The following ATP6V1B1 variants were observed in gnomAD, a reference collection of about 807,000 sequenced individuals.
ATP6V1B1 encodes V-type proton ATPase subunit B, kidney isoform.
Under a neutral mutation model 62.1 loss-of-function variants are expected in ATP6V1B1, and 41 were observed. That is an observed-to-expected ratio of 0.66 (90% CI 0.51 to 0.86). The LOEUF is 0.86. ATP6V1B1 is among the 40% of genes least tolerant of loss of function. ATP6V1B1 has a pLI of 0.00. For synonymous variants in ATP6V1B1, 253 were observed against 273.4 expected (o/e 0.93, Z 0.74); for missense variants, 651 against 697.5 (o/e 0.93, Z 0.75).
At chr2:70,949,975 G>C (rs1680282091) in intron 2 of ATP6V1B1, among the ~76,000 whole-genome samples, 1 of 151,990 alleles carries the variant, frequency 6.6e-6, no homozygotes, top group Non-Finnish European at 1.5e-5. Context: ...AGCTCTTCCA[G>C]TATTTTTTAA....
At position 70,963,040 on chromosome 2, in the gene ATP6V1B1, G is replaced by C; in HGVS notation, c.910-122G>C. ...CCATGAGTTCCAGGGCTTGGTCTCA[G>C]CCTGGCCATTCCTCCCCTGCCCCCC... On this transcript the variant is annotated intron_variant, in intron 9 of 13. Transcript: ENST00000234396. The surrounding 1 kb of genome is among the most constrained non-coding windows in gnomAD (Gnocchi z 4.3). The C allele has an allele frequency of 6.3e-7, 1 of 1,597,824 alleles. No individual in the cohort carries two copies. Among genetic ancestry groups the C allele is most frequent in the Non-Finnish European group, 8.5e-7 (1 of 1,171,044 alleles).
intron 4 of ATP6V1B1, 94 bp from the exon 5 acceptor site, chr2:70,958,924 G>A: frequency 8.0e-7 from 1 of 1,255,838 alleles, no homozygotes; most frequent in South Asian, 1.3e-5. Context: ...CCTGTGGGGA[G>A]TGGGTGGGAG....
chr2:70,959,875 G>C lies in ATP6V1B1; in HGVS notation c.446-64G>C. The C allele has an allele frequency of 1.2e-6, 2 of 1,613,352 alleles. No individual in the cohort carries two copies. The highest frequency in any genetic ancestry group is 1.7e-6 in the Non-Finnish European group (2 of 1,179,702). On this transcript the variant is annotated intron_variant, in intron 5 of 13. Coordinates refer to ENST00000234396, the MANE Select transcript of ATP6V1B1 (RefSeq NM_001692.4). This position sits in a 1 kb window ranked among gnomAD's most constrained non-coding sequence, Gnocchi z 4.2. ...AGGGCGGCTCTGGAGTCTGGGGTCA[G>C]TGTCGAGGAGAGCAGGGAAGGGTTT...
intron 2 of ATP6V1B1, among the ~76,000 whole-genome samples, chr2:70,949,072 C>A (rs62145078): frequency 0.069 from 10,437 of 152,196 alleles, 589 homozygotes; most frequent in Non-Finnish European, 0.1. Flanking sequence ...CTCCTTGTAA[C>A]TTAGTGAAAA....
rs1680699929 is a variant in ATP6V1B1 at position 70,965,304 on chromosome 2, T to C, written c.*183T>C. ...GCTCGATTCCTTTTCCCGCGCTCCA[T>C]GCCTCCCCCTCGACTCCCGGTGCTG... On this transcript the variant is annotated 3_prime_UTR_variant, in exon 14 of 14. Transcript: ENST00000234396. 1 of 831,384 alleles carries C rather than the reference T, an allele frequency of 1.2e-6. No homozygotes were observed. 51.5% of individuals were successfully genotyped at this position (831,384 alleles called of 1,614,324 possible).
chr2:70,953,889 G>C (rs572106925), intron 2 of ATP6V1B1, among the ~76,000 whole-genome samples: 2 of 152,116 alleles, frequency 1.3e-5, no homozygotes, highest in Admixed American at 6.5e-5. Flanking sequence ...GTTCTGGTTT[G>C]AGTTATATTT....
At chr2:70,951,957 T>A (rs782558846) in intron 2 of ATP6V1B1, among the ~76,000 whole-genome samples, 1 of 152,204 alleles carries the variant, frequency 6.6e-6, no homozygotes, top group Admixed American at 6.5e-5. Context: ...AATTTTCTTT[T>A]TTCTTTTTCT....
intron 2 of ATP6V1B1, among the ~76,000 whole-genome samples, chr2:70,949,465 T>A (rs1572913810): frequency 6.6e-6 from 1 of 152,348 alleles, no homozygotes; most frequent in African/African-American, 2.4e-5. Context: ...AGTACTTTTT[T>A]ATTTCAAATT....
In ATP6V1B1 at chr2:70,936,966, G is replaced by A. The variant is rs545676351; in HGVS notation, c.118+894G>A. On this transcript the variant is annotated intron_variant, in intron 1 of 13. Transcript: ENST00000234396. ...CTGGGGCAAGGTCCAGAGGACCAAAGGGAACCCCTGCATCTCCTTGTCCAA... is the reference window on the plus strand; with the variant it reads ...CTGGGGCAAGGTCCAGAGGACCAAAAGGAACCCCTGCATCTCCTTGTCCAA... Among the ~76,000 whole-genome samples, 13 of 152,292 alleles carry A rather than the reference G, an allele frequency of 8.5e-5. 1 individual carries two copies. In the South Asian group the frequency reaches 2.1e-3, roughly 24 times the overall value.
intron 2 of ATP6V1B1, among the ~76,000 whole-genome samples, chr2:70,945,113 A>T (rs11126311): frequency 0.16 from 23,583 of 152,140 alleles, 2,153 homozygotes; most frequent in East Asian, 0.47. Context: ...GTCATTTTTT[A>T]AAAATGTGAT....
chr2:70,961,051 C>T (rs782540641), intron 7 of ATP6V1B1, 29 bp downstream of exon 7: 2 of 1,554,686 alleles, frequency 1.3e-6, no homozygotes, highest in Admixed American at 3.9e-5. Flanking sequence ...CTGGCAAGTT[C>T]TGGAGGCTGT....
chr2:70,964,366 A>G (rs1680664702), intron 11 of ATP6V1B1, 72 bp from the exon 12 acceptor site: 1 of 1,509,034 alleles, frequency 6.6e-7, no homozygotes, highest in Non-Finnish European at 9.2e-7. Flanking sequence ...GCTTCTCCTG[A>G]GAACAATTTG....
intron 2 of ATP6V1B1, among the ~76,000 whole-genome samples, chr2:70,951,489 A>T (rs1553418298): frequency 6.6e-6 from 1 of 151,620 alleles, no homozygotes; most frequent in Non-Finnish European, 1.5e-5. Flanking sequence ...CAGGTATTGC[A>T]TTTGTCATGT....
At chr2:70,943,506 G>C (rs1357685191) in intron 1 of ATP6V1B1, 152 bp from the exon 2 acceptor site, 4 of 814,138 alleles carry the variant, frequency 4.9e-6, no homozygotes, top group Non-Finnish European at 8.2e-6. Flanking sequence ...TTACAGCAAT[G>C]GTGGCTGGCC....
rs141322570 is a variant in ATP6V1B1 at position 70,964,188 on chromosome 2, G to T, written c.1144-250G>T. 9 of 320,420 alleles carry T rather than the reference G, an allele frequency of 2.8e-5. No homozygotes were observed. In the East Asian group the frequency reaches 3.8e-4, roughly 14 times the overall value. 19.8% of individuals were successfully genotyped at this position (320,420 alleles called of 1,614,324 possible). A position where few individuals can be genotyped will look rare whatever the true frequency, so the allele number is the denominator to read the frequency against. On this transcript the variant is annotated intron_variant, in intron 11 of 13. Transcript: ENST00000234396. ...GTGGTTTTTGTCCACATTATCAAAA[G>T]TTTTGAAATACTGAGCCTTTTATTA...
At chr2:70,941,909 G>C in intron 1 of ATP6V1B1, 1 of 989,264 alleles carries the variant, frequency 1.0e-6, no homozygotes, top group East Asian at 1.1e-4. Context: ...GCCATCGGAG[G>C]CCACTGAAGC....
chr2:70,961,157 C>A, intron 7 of ATP6V1B1, 135 bp downstream of exon 7: 3 of 896,698 alleles, frequency 3.3e-6, no homozygotes, highest in Admixed American at 2.0e-5. Flanking sequence ...AGGATGGGAG[C>A]AGTGACCACG....
intron 1 of ATP6V1B1, chr2:70,939,180 G>C (rs1180679380): frequency 1.3e-5 from 2 of 152,316 alleles, no homozygotes; most frequent in Non-Finnish European, 2.9e-5. Flanking sequence ...TGGGCCGCGC[G>C]GGGGCCCCGC....
rs1202107723 is a variant in ATP6V1B1 at position 70,963,979 on chromosome 2, A to G, written c.1143+325A>G. The stretch of plus-strand genomic sequence containing the variant: ...TTGGCATATAGAAAGCATCTGGCAG[A>G]TAGTCAATACTATTTGCCTTCCCTT... On this transcript the variant is annotated intron_variant, in intron 11 of 13. Transcript: ENST00000234396. The surrounding 1 kb of genome is among the most constrained non-coding windows in gnomAD (Gnocchi z 4.3). 4.1e-6 allele frequency: 2 copies of G among 482,180 alleles called. No individual in the cohort carries two copies. The highest frequency in any genetic ancestry group is 6.6e-5 in the Admixed American group (2 of 30,314). The allele number at this position is 482,180 out of a possible 1,614,324, so 29.9% of individuals were successfully genotyped here. A position where few individuals can be genotyped will look rare whatever the true frequency, so the allele number is the denominator to read the frequency against.
Sources: gnomAD v4.1 joint callset for allele counts (sites outside exome capture counted in the v4.1 genomes callset) on GRCh38, gnomAD v4.1.1 for gene constraint, Gnocchi (gnomAD v3.1) non-coding constraint, MANE v1.5 for transcripts, NCBI Gene and HGNC (gene_info 2026-07-23, HGNC 2026-07-21) for gene names.